The following TCF12 variants were observed in gnomAD, a reference collection of about 807,000 sequenced individuals.
The protein encoded by TCF12 is transcription factor 12.
In TCF12, 45 loss-of-function variants were observed where a neutral mutation model predicts 86.0. The observed-to-expected ratio is 0.52, with a 90% CI of 0.41 to 0.67. The LOEUF (loss-of-function observed/expected upper bound fraction) is 0.67. TCF12 is among the 30% of genes least tolerant of loss of function. The pLI, the probability that TCF12 is intolerant of heterozygous loss-of-function variation, is 0.00. For missense variants in TCF12, 881 were observed against 859.9 expected (o/e 1.02, Z -0.31); for synonymous variants, 330 against 299.6 (o/e 1.10, Z -1.05).
intron 3 of TCF12, among the ~76,000 whole-genome samples, chr15:56,941,382 T>C (rs2060766473): frequency 6.6e-6 from 1 of 151,422 alleles, no homozygotes. Context: ...AATTTTTTTT[T>C]TTTTTTTGAG....
At position 57,288,848 on chromosome 15, in the gene TCF12, C is replaced by G. The variant is rs1240423412; in HGVS notation, c.*2703C>G. The G allele has an allele frequency of 6.6e-6, 1 of 152,178 alleles. No homozygotes were observed. The highest frequency in any genetic ancestry group is 1.9e-4 in the East Asian group (1 of 5,204). The allele number at this position is 152,178 out of a possible 1,614,324, so 9.4% of individuals were successfully genotyped here. On this transcript the variant is annotated 3_prime_UTR_variant, in exon 21 of 21. Coordinates refer to ENST00000333725, the MANE Select transcript of TCF12 (RefSeq NM_207037.2). ...AAAATGAAGAAGATGGAAAAAGACT[C>G]AAAAGAGGCTTTTTAAGTTATTCTT... is the stretch of plus-strand genomic sequence containing the variant.
At chr15:57,272,105 A>G (rs879640410) in intron 18 of TCF12, among the ~76,000 whole-genome samples, 1 of 152,192 alleles carries the variant, frequency 6.6e-6, no homozygotes, top group Non-Finnish European at 1.5e-5. Flanking sequence ...TACTTAGCAT[A>G]ATCTGCAACT....
chr15:57,247,034 C>G (rs2059896381), intron 13 of TCF12: 1 of 549,388 alleles, frequency 1.8e-6, no homozygotes, highest in Admixed American at 2.0e-5. Flanking sequence ...CAAAAGTGCC[C>G]CCTTTCATGG....
chr15:57,193,976 G>C (rs1181898635), intron 7 of TCF12, among the ~76,000 whole-genome samples: 1 of 152,124 alleles, frequency 6.6e-6, no homozygotes, highest in Admixed American at 6.5e-5. Flanking sequence ...TAATGAGTTA[G>C]TCAGAATAGG....
At chr15:57,212,341 T>C (rs2151824652) in intron 8 of TCF12, among the ~76,000 whole-genome samples, 1 of 152,274 alleles carries the variant, frequency 6.6e-6, no homozygotes, top group Non-Finnish European at 1.5e-5. Context: ...TAGAGTACAG[T>C]GGCACAATCA....
intron 3 of TCF12, among the ~76,000 whole-genome samples, chr15:56,974,267 G>T (rs2062488636): frequency 6.6e-6 from 1 of 152,014 alleles, no homozygotes. Flanking sequence ...CTCTCAGATG[G>T]TTCAGAAAAC....
At chr15:57,180,806 A>ATTTT (rs34557385) in intron 6 of TCF12, among the ~76,000 whole-genome samples, 3,498 of 82,000 alleles carry the variant, frequency 0.043, 727 homozygotes, top group African/African-American at 0.16. Context: ...GATGCTAATA[A>ATTTT]TTTTTTTTTT....
intron 8 of TCF12, among the ~76,000 whole-genome samples, chr15:57,217,590 G>A (rs932429170): frequency 3.3e-5 from 5 of 152,044 alleles, no homozygotes; most frequent in Non-Finnish European, 7.4e-5. Flanking sequence ...AGATTGAAGC[G>A]ATGATTATAA....
At chr15:57,125,505 A>C (rs558544631) in intron 5 of TCF12, among the ~76,000 whole-genome samples, 3 of 152,362 alleles carry the variant, frequency 2.0e-5, no homozygotes, top group African/African-American at 7.2e-5. Context: ...GAAATAAATA[A>C]ATAGAAAGTT....
At chr15:57,131,568 CTCA>C (rs2052125044) in intron 5 of TCF12, among the ~76,000 whole-genome samples, 1 of 152,162 alleles carries the variant, frequency 6.6e-6, no homozygotes, top group African/African-American at 2.4e-5. Flanking sequence ...AAAGCAATCA[CTCA>C]TCATCAATTT....
intron 4 of TCF12, among the ~76,000 whole-genome samples, chr15:57,065,049 C>T (rs1418399433): frequency 5.3e-5 from 8 of 152,144 alleles, no homozygotes; most frequent in South Asian, 4.2e-4. Context: ...TTTTAAAATA[C>T]GGGGTTTTAC....
At position 56,925,228 on chromosome 15, in the gene TCF12, A is replaced by T. The variant is rs1466267747; in HGVS notation, c.148+4130A>T. ...AAAAACAAAAAAAAACCACAAACAA[A>T]TGGTGTCCACCGCCCCCCCACCCCC... is the stretch of plus-strand genomic sequence containing the variant. On this transcript the variant is annotated intron_variant, in intron 3 of 20. Coordinates refer to ENST00000333725, the MANE Select transcript of TCF12 (RefSeq NM_207037.2). Among the ~76,000 whole-genome samples the T allele has an allele frequency of 2.7e-5, 4 of 147,398 alleles. No homozygotes were observed. In the East Asian group the frequency reaches 8.2e-4, roughly 30 times the overall value.
At chr15:56,987,108 CTT>C (rs1411366963) in intron 3 of TCF12, among the ~76,000 whole-genome samples, 2 of 145,624 alleles carry the variant, frequency 1.4e-5, no homozygotes, top group Non-Finnish European at 3.0e-5. Flanking sequence ...TAATTAGTTG[CTT>C]TTTTTTTTTC....
chr15:57,008,793 CT>C (rs1228638353), intron 3 of TCF12, among the ~76,000 whole-genome samples: 1 of 152,062 alleles, frequency 6.6e-6, no homozygotes, highest in African/African-American at 2.4e-5. Flanking sequence ...TGACAGTATA[CT>C]TTAAATTGAA....
At chr15:57,092,112 A>G in intron 5 of TCF12, 1 of 398,632 alleles carries the variant, frequency 2.5e-6, no homozygotes, top group Non-Finnish European at 4.5e-6. Context: ...CAAAAAAAGA[A>G]GTGGCAGTGT....
intron 8 of TCF12, among the ~76,000 whole-genome samples, chr15:57,204,681 C>T (rs17820006): frequency 0.04 from 6,032 of 151,792 alleles, 365 homozygotes; most frequent in Admixed American, 0.16. Context: ...AATAATCTAG[C>T]GTGCTGCTAT....
intron 12 of TCF12, among the ~76,000 whole-genome samples, chr15:57,234,695 T>C (rs1052080766): frequency 6.6e-6 from 1 of 152,274 alleles, no homozygotes; most frequent in African/African-American, 2.4e-5. Flanking sequence ...GATTATATTT[T>C]AATATCTGAT....
chr15:56,994,755 G>A (rs186899817), intron 3 of TCF12, among the ~76,000 whole-genome samples: 10 of 152,032 alleles, frequency 6.6e-5, no homozygotes, highest in Non-Finnish European at 1.0e-4. Flanking sequence ...GGCATTTTCC[G>A]GTAAAGGAAA....
intron 3 of TCF12, among the ~76,000 whole-genome samples, chr15:57,060,458 T>G (rs1030488734): frequency 6.6e-6 from 1 of 152,236 alleles, no homozygotes; most frequent in Non-Finnish European, 1.5e-5. Flanking sequence ...TTTCTGTTAT[T>G]GATCACCCCT....
Sources: allele counts gnomAD v4.1 joint callset (sites outside exome capture counted in the v4.1 genomes callset), GRCh38; gene constraint gnomAD v4.1.1; transcripts MANE v1.5; gene names NCBI Gene and HGNC (gene_info 2026-07-23, HGNC 2026-07-21).